Variants in KPNA4 observed in about 807,000 individuals in gnomAD.
The protein encoded by KPNA4 is karyopherin subunit alpha 4.
KPNA4 carries 13 observed loss-of-function variants against 71.3 expected under a neutral mutation model. That is an observed-to-expected ratio of 0.18 (90% CI 0.12 to 0.29). The LOEUF (loss-of-function observed/expected upper bound fraction) is 0.29, where lower values mean the gene tolerates loss of function less well. KPNA4 is among the 10% of genes least tolerant of loss of function. KPNA4 has a pLI of 1.00. For missense variants in KPNA4, 334 were observed against 603.2 expected, an observed-to-expected ratio of 0.55 and a Z score of 4.67; for synonymous variants, 189 against 195.2, an observed-to-expected ratio of 0.97 and a Z score of 0.26.
In KPNA4 at chr3:160,525,261, G is replaced by C. The variant is rs907951358; in HGVS notation, c.771+539C>G. Among the ~76,000 whole-genome samples, 9 of 152,098 alleles carry C rather than the reference G, an allele frequency of 5.9e-5. 1 individual carries two copies. The highest frequency in any genetic ancestry group is 2.6e-4 in the Admixed American group (4 of 15,262). ...GAAGCCACTGCCAGTCACTGTAACTGAGAAATAGAATAAAAATGGAATTAA... is the reference window on the plus strand; with the variant it reads ...GAAGCCACTGCCAGTCACTGTAACTCAGAAATAGAATAAAAATGGAATTAA... On this transcript the variant is annotated intron_variant, in intron 10 of 16. Coordinates refer to ENST00000334256, the MANE Select transcript of KPNA4 (RefSeq NM_002268.5).
chr3:160,515,766 G>A (rs990809560), intron 11 of KPNA4, among the ~76,000 whole-genome samples, 186 bp from the exon 12 acceptor site: 13 of 151,760 alleles, frequency 8.6e-5, no homozygotes, highest in African/African-American at 1.2e-4. Context: ...AGCAGTGCAC[G>A]ACCCTGTCCG....
intron 11 of KPNA4, among the ~76,000 whole-genome samples, chr3:160,518,654 G>A (rs1291213403): frequency 6.6e-6 from 1 of 151,544 alleles, no homozygotes; most frequent in African/African-American, 2.4e-5. Context: ...GAGGTCAGGA[G>A]TTCGAGACCA....
intron 1 of KPNA4, among the ~76,000 whole-genome samples, chr3:160,561,952 A>ACCT (rs1235535996): frequency 2.6e-5 from 4 of 152,112 alleles, no homozygotes; most frequent in African/African-American, 9.7e-5. Context: ...GATGTCAAGT[A>ACCT]CCTCTAGTTT....
intron 1 of KPNA4, among the ~76,000 whole-genome samples, chr3:160,548,935 T>C (rs1721984518): frequency 6.6e-6 from 1 of 152,192 alleles, no homozygotes; most frequent in South Asian, 2.1e-4. Context: ...ATTCTCCACA[T>C]CTTCACCAAC....
At chr3:160,560,707 T>C (rs1722226638) in intron 1 of KPNA4, among the ~76,000 whole-genome samples, 2 of 152,056 alleles carry the variant, frequency 1.3e-5, no homozygotes, top group Non-Finnish European at 2.9e-5. Context: ...TAAGGGCATC[T>C]TGGTATCTCC....
chr3:160,554,689 A>G (rs565875493), intron 1 of KPNA4, among the ~76,000 whole-genome samples: 1 of 152,300 alleles, frequency 6.6e-6, no homozygotes, highest in South Asian at 2.1e-4. Flanking sequence ...CTGAAGGTTA[A>G]GCTGATCACC....
At chr3:160,539,982 A>G (rs546272130) in intron 1 of KPNA4, among the ~76,000 whole-genome samples, 1 of 147,630 alleles carries the variant, frequency 6.8e-6, no homozygotes, top group African/African-American at 2.5e-5. Flanking sequence ...TTTACGAAAA[A>G]TTTTCTTTTT....
rs1164974676 is a variant in KPNA4, at chr3:160,500,593, T to A, written c.*1511A>T. The A allele has an allele frequency of 2.6e-5, 4 of 152,656 alleles. No individual in the cohort carries two copies. The highest frequency in any genetic ancestry group is 5.9e-5 in the Non-Finnish European group (4 of 68,038). 9.5% of individuals were successfully genotyped at this position (152,656 alleles called of 1,614,324 possible). On this transcript the variant is annotated 3_prime_UTR_variant, in exon 17 of 17. Coordinates refer to ENST00000334256, the MANE Select transcript of KPNA4 (RefSeq NM_002268.5). ...GCATAACCTCAAAACTGAGGTATTA[T>A]TCCAATTTATAAAAACCACTTGCAT...
chr3:160,505,483 A>G (rs1341419896), intron 15 of KPNA4, among the ~76,000 whole-genome samples: 1 of 152,210 alleles, frequency 6.6e-6, no homozygotes, highest in Non-Finnish European at 1.5e-5. Flanking sequence ...TGCTTAAGAT[A>G]CCTGTTAAGT....
rs1722327415 is a variant in KPNA4 at position 160,565,354 on chromosome 3, C to G, written c.-72G>C. Reference sequence around the variant, plus strand: ...CCCCAACCAACGCGCCGCACCGACACTCCCAGGAACCGGGCCGCCGCCTGA... The same window carrying G: ...CCCCAACCAACGCGCCGCACCGACAGTCCCAGGAACCGGGCCGCCGCCTGA... On this transcript the variant is annotated 5_prime_UTR_variant, in exon 1 of 17. Transcript: ENST00000334256. 4.6e-6 allele frequency: 6 copies of G among 1,301,440 alleles called. No homozygotes were observed. The highest frequency in any genetic ancestry group is 6.5e-6 in the Non-Finnish European group (6 of 924,970). The allele number at this position is 1,301,440 out of a possible 1,614,324, so 80.6% of individuals were successfully genotyped here. A position where few individuals can be genotyped will look rare whatever the true frequency, so the allele number is the denominator to read the frequency against.
At chr3:160,551,762 GTGC>G (rs879884509) in intron 1 of KPNA4, among the ~76,000 whole-genome samples, 1,732 of 152,258 alleles carry the variant, frequency 0.011, 15 homozygotes, top group Non-Finnish European at 0.018. Context: ...GAACTTTTCA[GTGC>G]CTCTTAGAGA....
rs1722323017 is a variant in KPNA4, at chr3:160,565,212, A to C, written c.69+2T>G. 1 of 1,605,146 alleles carries C rather than the reference A, an allele frequency of 6.2e-7. No individual in the cohort carries two copies. ...CCCCTCCGGCGTCGTCCCCGAGTTT[A>C]CCTCCAAGTCGCGGCCTTTGTTCTT... is the stretch of plus-strand genomic sequence containing the variant. On this transcript the variant is annotated splice_donor_variant, in intron 1 of 16. Coordinates refer to ENST00000334256, the MANE Select transcript of KPNA4 (RefSeq NM_002268.5). LOFTEE classifies it high-confidence loss of function.
intron 1 of KPNA4, among the ~76,000 whole-genome samples, chr3:160,543,359 G>A (rs776547566): frequency 9.9e-5 from 15 of 151,342 alleles, no homozygotes; most frequent in South Asian, 4.2e-4. Context: ...TTTTTCCCCC[G>A]AGACAGAATC....
chr3:160,509,712 A>C, intron 14 of KPNA4, 88 bp downstream of exon 14: 2 of 996,224 alleles, frequency 2.0e-6, no homozygotes, highest in Admixed American at 1.8e-5. Flanking sequence ...TATTATTTTA[A>C]ATTATAACTT....
At chr3:160,546,978 T>G (rs1347823668) in intron 1 of KPNA4, among the ~76,000 whole-genome samples, 1 of 152,234 alleles carries the variant, frequency 6.6e-6, no homozygotes, top group African/African-American at 2.4e-5. Flanking sequence ...CGATTCCCAT[T>G]TCTGGTGATG....
chr3:160,509,823 T>C lies in KPNA4; in HGVS notation c.1186A>G (p.Thr396Ala). The C allele has an allele frequency of 6.2e-7, 1 of 1,611,438 alleles. No homozygotes were observed. Residue 396 changes from threonine to alanine, a missense_variant, in exon 14 of 17, where the codon ACA (threonine) becomes GCA (alanine). Thr to Ala is a moderately conservative substitution (Grantham distance 58, BLOSUM62 0). Transcript: ENST00000334256. ...ACTTGATCTTTCCTTCCACTAATTGTTAAGTTACTTATGGCCCAAGCAGCT... is the reference window on the plus strand; with the variant it reads ...ACTTGATCTTTCCTTCCACTAATTGCTAAGTTACTTATGGCCCAAGCAGCT... Reference protein sequence around the residue: ...KEAAWAISNLTISGRKDQVAY... With the variant: ...KEAAWAISNLAISGRKDQVAY...
intron 1 of KPNA4, among the ~76,000 whole-genome samples, chr3:160,537,384 C>T (rs1408632788): frequency 1.3e-5 from 2 of 151,732 alleles, no homozygotes; most frequent in Non-Finnish European, 2.9e-5. Flanking sequence ...AGAGATATTC[C>T]ATGGTGGTGT....
chr3:160,541,972 G>A (rs938443846), intron 1 of KPNA4, among the ~76,000 whole-genome samples: 4 of 152,070 alleles, frequency 2.6e-5, no homozygotes, highest in African/African-American at 4.8e-5. Flanking sequence ...TGCACACAAC[G>A]CACTCTGACA....
chr3:160,519,660 T>G (rs947731340), intron 11 of KPNA4, among the ~76,000 whole-genome samples: 4 of 150,910 alleles, frequency 2.7e-5, no homozygotes, highest in Non-Finnish European at 5.9e-5. Context: ...CCGGGCGCGG[T>G]GGTGGGCGCC....
Sources: gnomAD v4.1 joint callset for allele counts (sites outside exome capture counted in the v4.1 genomes callset) on GRCh38, gnomAD v4.1.1 for gene constraint, MANE v1.5 for transcripts, NCBI Gene and HGNC (gene_info 2026-07-23, HGNC 2026-07-21) for gene names.